Variants in BEST3 observed in about 807,000 individuals in gnomAD.
The protein encoded by BEST3 is bestrophin 3.
In BEST3, 50 loss-of-function variants were observed where a neutral mutation model predicts 47.1. That is an observed-to-expected ratio of 1.06 (90% CI 0.85 to 1.34). The LOEUF (loss-of-function observed/expected upper bound fraction) is 1.34, where lower values mean the gene tolerates loss of function less well. Among genes scored for constraint, BEST3 ranks in the 40% most tolerant of loss-of-function variants. The pLI is 0.00. For missense variants in BEST3, 765 were observed against 817.0 expected, an observed-to-expected ratio of 0.94 and a Z score of 0.78; for synonymous variants, 282 against 298.8, an observed-to-expected ratio of 0.94 and a Z score of 0.58.
At chr12:69,678,307 T>A (rs775492) in intron 5 of BEST3, among the ~76,000 whole-genome samples, 3 of 151,942 alleles carry the variant, frequency 2.0e-5, no homozygotes, top group African/African-American at 7.3e-5. Flanking sequence ...CTAGAGTATC[T>A]GAAAGGCTGG....
chr12:69,674,041 T>C (rs934031005), intron 7 of BEST3, among the ~76,000 whole-genome samples: 2 of 152,158 alleles, frequency 1.3e-5, no homozygotes, highest in Admixed American at 1.3e-4. Flanking sequence ...CCTTGGTTTT[T>C]ATTATCTGGA....
intron 4 of BEST3, among the ~76,000 whole-genome samples, chr12:69,686,926 C>T (rs768113264): frequency 6.6e-6 from 1 of 152,094 alleles, no homozygotes; most frequent in South Asian, 2.1e-4. Flanking sequence ...TGATTAACTG[C>T]CCAGCTGACT....
chr12:69,648,529 G>A (rs1262498831), intron 9 of BEST3, among the ~76,000 whole-genome samples: 3 of 152,088 alleles, frequency 2.0e-5, no homozygotes, highest in South Asian at 4.1e-4. Flanking sequence ...ACAAACTCAG[G>A]GGCAAACATG....
At chr12:69,695,264 G>A (rs188083153) in intron 2 of BEST3, among the ~76,000 whole-genome samples, 9 of 152,262 alleles carry the variant, frequency 5.9e-5, no homozygotes, top group East Asian at 1.9e-4. Flanking sequence ...ATAAATCGAC[G>A]AGTGTAGCTG....
intron 9 of BEST3, among the ~76,000 whole-genome samples, chr12:69,647,258 C>T (rs567009846): frequency 2.6e-5 from 4 of 152,308 alleles, no homozygotes; most frequent in East Asian, 1.9e-4. Context: ...CTATCATCTC[C>T]GTTTCTCCTT....
At chr12:69,656,731 A>C (rs1883525555) in intron 9 of BEST3, among the ~76,000 whole-genome samples, 1 of 152,164 alleles carries the variant, frequency 6.6e-6, no homozygotes, top group African/African-American at 2.4e-5. Flanking sequence ...AAATGTACGT[A>C]GCTAGTTAGA....
chr12:69,693,311 G>A (rs1886000130), intron 4 of BEST3, among the ~76,000 whole-genome samples: 1 of 139,928 alleles, frequency 7.1e-6, no homozygotes, highest in Non-Finnish European at 1.5e-5. Flanking sequence ...AGGCTGGAGT[G>A]CAGTGCTGCA....
At chr12:69,679,669 T>C (rs1885124418) in intron 4 of BEST3, among the ~76,000 whole-genome samples, 1 of 152,178 alleles carries the variant, frequency 6.6e-6, no homozygotes, top group Non-Finnish European at 1.5e-5. Flanking sequence ...AACACGAGCC[T>C]GGCCAACATG....
chr12:69,665,149 C>T lies in BEST3; in HGVS notation c.1100+6279G>A, dbSNP rs1475291767. On this transcript the variant is annotated intron_variant, in intron 9 of 9. Transcript: ENST00000330891. ...AGTCACACAGTGGACAGCACTACAG[C>T]GAACACCAGAGGGAGTCTTAATGGC... Among the ~76,000 whole-genome samples the T allele has an allele frequency of 1.2e-4, 14 of 119,806 alleles. 1 individual carries two copies. Among genetic ancestry groups the T allele is most frequent in the Admixed American group, 3.3e-4 (4 of 12,264 alleles). The allele number at this position is 119,806 out of a possible 152,430, so 78.6% of individuals were successfully genotyped here.
Position 69,693,812 on chromosome 12 carries a change from G to A in BEST3, c.343C>T (p.His115Tyr). 1 of 1,614,130 alleles carries A rather than the reference G, an allele frequency of 6.2e-7. No homozygotes were observed. Among genetic ancestry groups the A allele is most frequent in the Non-Finnish European group, 8.5e-7 (1 of 1,180,026 alleles). The change falls in exon 4 of 10, where the codon CAC becomes TAC. Residue 115 changes from histidine (H) to tyrosine (Y), a missense_variant. Physicochemically the swap from His to Tyr is moderately conservative, Grantham distance 83. Transcript: ENST00000330891. ...AGGCGCCCGTGCTCGTCGCTTCCGT[G>A]AACACTGCTAGAGATGAGGAACATT... ...RLMFLISSSV[H>Y]GSDEHGRLLR... is the part of the protein sequence containing the mutation.
At chr12:69,645,223 G>T (rs976187670) in intron 9 of BEST3, among the ~76,000 whole-genome samples, 3 of 152,190 alleles carry the variant, frequency 2.0e-5, no homozygotes, top group African/African-American at 7.2e-5. Context: ...TCCGCTAGAG[G>T]ATGGCTAAGG....
rs1883381796 is a variant in BEST3, at chr12:69,655,160, G to C, written c.1754C>G (p.Thr585Ser). Residue 585 changes from threonine to serine, a missense_variant, in exon 10 of 10, where the codon ACC becomes AGC. Transcript: ENST00000330891. ...IFNCEEDPGD[T>S]FLKRWSLPGF... ...CGGAAGACTCCACCTTTTTAGAAAG[G>C]TATCACCAGGGTCTTCTTCACAGTT... 6.2e-7 allele frequency: 1 copy of C among 1,614,040 alleles called. No homozygotes were observed. The highest frequency in any genetic ancestry group is 1.3e-5 in the African/African-American group (1 of 74,916).
Position 69,655,649 on chromosome 12 carries a change from A to G in BEST3, c.1265T>C (p.Met422Thr), listed in dbSNP as rs373927282. Residue 422 changes from methionine to threonine, a missense_variant, in exon 10 of 10, where the codon ATG becomes ACG. By Grantham distance (81) the Met-to-Thr change is moderately conservative. Transcript: ENST00000330891. The stretch of plus-strand genomic sequence containing the variant: ...GCTGAGGTCATCTCGGGGTAAGAAC[A>G]TGGAGCTGTCACTTGTCTGCCTCCT... Reference protein sequence around the residue: ...SYRRQTSDSSMFLPRDDLSPA... With the variant: ...SYRRQTSDSSTFLPRDDLSPA... 5 of 1,613,712 alleles carry G rather than the reference A, an allele frequency of 3.1e-6. No individual in the cohort carries two copies. The highest frequency in any genetic ancestry group is 2.2e-5 in the East Asian group (1 of 44,860).
At chr12:69,679,412 G>A (rs1455150937) in intron 4 of BEST3, among the ~76,000 whole-genome samples, 1 of 152,074 alleles carries the variant, frequency 6.6e-6, no homozygotes, top group African/African-American at 2.4e-5. Context: ...CTTTCCTGAG[G>A]GATTTCTTCC....
intron 4 of BEST3, among the ~76,000 whole-genome samples, chr12:69,682,058 G>T (rs775475): frequency 0.7 from 99,811 of 142,970 alleles, 34,972 homozygotes; most frequent in South Asian, 0.81. Context: ...CTCCAGCCTG[G>T]GTGACAGAGT....
At chr12:69,695,710 T>C (rs1886107628) in intron 2 of BEST3, among the ~76,000 whole-genome samples, 2 of 152,224 alleles carry the variant, frequency 1.3e-5, no homozygotes, top group African/African-American at 4.8e-5. Context: ...GAATTTGGAC[T>C]TTGAGCATAT....
intron 4 of BEST3, among the ~76,000 whole-genome samples, chr12:69,693,425 G>A (rs575711295): frequency 1.5e-3 from 222 of 151,574 alleles, no homozygotes; most frequent in African/African-American, 5.2e-3. Flanking sequence ...CACCACGCCC[G>A]GCTAATTTTT....
At chr12:69,649,667 G>A (rs543563083), downstream of BEST3, among the ~76,000 whole-genome samples, 185 of 152,264 alleles carry the variant, frequency 1.2e-3, 1 homozygote, top group African/African-American at 3.8e-3. Context: ...AGTTGTGGAC[G>A]TCTGTCCTGT....
Position 69,654,265 on chromosome 12 carries a change from A to G in BEST3, c.*642T>C, listed in dbSNP as rs923430936. Reference sequence around the variant, plus strand: ...AGCACAACCAGGGAGAAGGGAAGGGAAAAAAAGGATGACAGAATAAAAGGA... The same window carrying G: ...AGCACAACCAGGGAGAAGGGAAGGGGAAAAAAGGATGACAGAATAAAAGGA... On this transcript the variant is annotated 3_prime_UTR_variant, in exon 10 of 10. Coordinates refer to ENST00000330891, the MANE Select transcript of BEST3 (RefSeq NM_032735.3). 17 of 978,456 alleles carry G rather than the reference A, an allele frequency of 1.7e-5. No homozygotes were observed. The African/African-American group carries it at 2.6e-4, about 15-fold the overall frequency. The allele number at this position is 978,456 out of a possible 1,614,324, so 60.6% of individuals were successfully genotyped here.
Sources: allele counts gnomAD v4.1 joint callset (sites outside exome capture counted in the v4.1 genomes callset), GRCh38; gene constraint gnomAD v4.1.1; transcripts MANE v1.5; gene names NCBI Gene and HGNC (gene_info 2026-07-23, HGNC 2026-07-21).